PLPP4: variants seen among roughly 807,000 people sequenced by gnomAD.
The protein encoded by PLPP4 is diacylglycerol pyrophosphate like 2.
A neutral mutation model predicts 32.2 loss-of-function variants in PLPP4; 20 were observed. The observed-to-expected ratio is 0.62, with a 90% confidence interval of 0.44 to 0.90. The LOEUF (loss-of-function observed/expected upper bound fraction) is 0.90. PLPP4 is among the 40% of genes least tolerant of loss of function. The pLI, the probability that PLPP4 is intolerant of heterozygous loss-of-function variation, is 0.00. For missense variants in PLPP4, 257 were observed against 353.1 expected (o/e 0.73, Z 2.18); for synonymous variants, 127 against 133.0 (o/e 0.95, Z 0.31).
intron 6 of PLPP4, among the ~76,000 whole-genome samples, chr10:120,588,778 G>T (rs1240837391): frequency 6.6e-6 from 1 of 152,230 alleles, no homozygotes; most frequent in Admixed American, 6.5e-5. Flanking sequence ...GGGTGTGGAG[G>T]CTCATGCCTG....
At chr10:120,503,996 G>A in intron 2 of PLPP4, 70 bp downstream of exon 2, 1 of 1,102,312 alleles carries the variant, frequency 9.1e-7, no homozygotes, top group Non-Finnish European at 1.4e-6. Context: ...TTTCATCTTT[G>A]TTTTTCTAAC....
At chr10:120,547,779 G>T (rs566879300) in intron 5 of PLPP4, among the ~76,000 whole-genome samples, 1 of 152,268 alleles carries the variant, frequency 6.6e-6, no homozygotes, top group South Asian at 2.1e-4. Flanking sequence ...ATAGGCATTG[G>T]AATAGTGGGA....
At chr10:120,491,176 C>T (rs1844703212) in intron 1 of PLPP4, among the ~76,000 whole-genome samples, 1 of 152,286 alleles carries the variant, frequency 6.6e-6, no homozygotes, top group Non-Finnish European at 1.5e-5. Context: ...TGCATCTGAG[C>T]TCTGGGTTGC....
chr10:120,493,860 G>T (rs1844831968), intron 1 of PLPP4, among the ~76,000 whole-genome samples: 2 of 152,164 alleles, frequency 1.3e-5, no homozygotes. Flanking sequence ...GGAGTACACT[G>T]CACGCCATGC....
chr10:120,524,102 C>A (rs1846286375), intron 5 of PLPP4, among the ~76,000 whole-genome samples: 1 of 152,170 alleles, frequency 6.6e-6, no homozygotes, highest in African/African-American at 2.4e-5. Flanking sequence ...TAAAATGTTA[C>A]CCATTTTTAC....
In PLPP4 at chr10:120,571,204, T is replaced by C. The variant is rs141783197; in HGVS notation, c.446-3927T>C. On this transcript the variant is annotated intron_variant, in intron 5 of 6. Coordinates refer to ENST00000398250, the MANE Select transcript of PLPP4 (RefSeq NM_001030059.3). ...GGACAAGTAGACTCTGAATATCCTC[T>C]CATCCCACTGGCTCAGGAGTTTTCT... Among the ~76,000 whole-genome samples the C allele has an allele frequency of 1.5e-3, 217 of 140,326 alleles. 1 individual carries two copies. Among genetic ancestry groups the C allele is most frequent in the Admixed American group, 4.4e-3 (62 of 14,018 alleles). The allele number at this position is 140,326 out of a possible 152,430, so 92.1% of individuals were successfully genotyped here. A position where few individuals can be genotyped will look rare whatever the true frequency, so the allele number is the denominator to read the frequency against.
chr10:120,579,371 G>A (rs961798304), intron 6 of PLPP4, among the ~76,000 whole-genome samples: 13 of 151,956 alleles, frequency 8.6e-5, no homozygotes, highest in African/African-American at 2.4e-4. Context: ...AAAGCGTCTC[G>A]GTCATTCACA....
intron 1 of PLPP4, among the ~76,000 whole-genome samples, chr10:120,478,955 A>G (rs770205714): frequency 5.5e-4 from 84 of 152,350 alleles, no homozygotes; most frequent in Non-Finnish European, 8.7e-4. Context: ...GGCTGGGCGC[A>G]GTGGCTCACG....
rs1038564391 is a variant in PLPP4, at chr10:120,513,914, A to G, written c.169A>G (p.Ile57Val). 6.2e-6 allele frequency: 10 copies of G among 1,613,374 alleles called. No homozygotes were observed. Among genetic ancestry groups the G allele is most frequent in the South Asian group, 2.2e-5 (2 of 91,016 alleles). Residue 57 changes from isoleucine (I) to valine (V), a missense_variant, in exon 3 of 7, where the codon ATT becomes GTT. By Grantham distance (29) the Ile-to-Val change is conservative. Coordinates refer to ENST00000398250, the MANE Select transcript of PLPP4 (RefSeq NM_001030059.3). ...GATTGTTTGTTATTTCTTCCAGGCA[A>G]TTTCTTTCCTCACACCCCTGGCTGT... The part of the protein sequence containing the change: ...DNIPTRLMFA[I>V]SFLTPLAVIC...
intron 6 of PLPP4, among the ~76,000 whole-genome samples, chr10:120,587,009 G>A (rs1849795116): frequency 6.6e-6 from 1 of 152,162 alleles, no homozygotes; most frequent in Non-Finnish European, 1.5e-5. Context: ...AATATGACTA[G>A]AAATGATATC....
chr10:120,553,647 G>A (rs1191960982), intron 5 of PLPP4, among the ~76,000 whole-genome samples: 3 of 152,198 alleles, frequency 2.0e-5, no homozygotes, highest in Non-Finnish European at 4.4e-5. Context: ...GAGGCAGGAG[G>A]CTTCCAAGCC....
chr10:120,511,683 G>A (rs1214357440), intron 2 of PLPP4, among the ~76,000 whole-genome samples: 2 of 152,148 alleles, frequency 1.3e-5, no homozygotes, highest in African/African-American at 4.8e-5. Flanking sequence ...CCATAACATT[G>A]GACTTTAGTA....
intron 1 of PLPP4, among the ~76,000 whole-genome samples, chr10:120,488,389 A>G (rs1844559602): frequency 1.3e-5 from 2 of 152,228 alleles, no homozygotes. Flanking sequence ...ATTGCATTTA[A>G]AATAAGCCTT....
chr10:120,523,786 C>T (rs1242359838), intron 5 of PLPP4, among the ~76,000 whole-genome samples: 5 of 152,172 alleles, frequency 3.3e-5, no homozygotes, highest in African/African-American at 4.8e-5. Flanking sequence ...TACCTTAATA[C>T]GGGCTTCCAG....
chr10:120,476,357 G>A (rs976244356), intron 1 of PLPP4, among the ~76,000 whole-genome samples: 3 of 152,184 alleles, frequency 2.0e-5, no homozygotes, highest in Non-Finnish European at 4.4e-5. Context: ...TTTTTATGCT[G>A]TATGTGCAAT....
At chr10:120,559,861 G>A (rs991090880) in intron 5 of PLPP4, among the ~76,000 whole-genome samples, 3 of 152,128 alleles carry the variant, frequency 2.0e-5, no homozygotes, top group Admixed American at 6.6e-5. Flanking sequence ...TAGGTGGTAC[G>A]TGGCATCATT....
chr10:120,488,253 T>C (rs1240408975), intron 1 of PLPP4, among the ~76,000 whole-genome samples: 2 of 152,216 alleles, frequency 1.3e-5, no homozygotes, highest in African/African-American at 2.4e-5. Flanking sequence ...ATTATCTTAT[T>C]TGAAGCCTTA....
intron 1 of PLPP4, among the ~76,000 whole-genome samples, chr10:120,488,024 A>C (rs1352766233): frequency 6.6e-6 from 1 of 152,198 alleles, no homozygotes; most frequent in Non-Finnish European, 1.5e-5. Flanking sequence ...TCCAGAAGTC[A>C]GGGGCTCTCT....
chr10:120,506,446 A>G (rs780708166), intron 2 of PLPP4, among the ~76,000 whole-genome samples: 16 of 152,226 alleles, frequency 1.1e-4, no homozygotes, highest in Non-Finnish European at 2.2e-4. Context: ...GTAATAGAAC[A>G]TCCATTTTCA....
Sources: allele counts gnomAD v4.1 joint callset (sites outside exome capture counted in the v4.1 genomes callset), GRCh38; gene constraint gnomAD v4.1.1; transcripts MANE v1.5; gene names NCBI Gene and HGNC (gene_info 2026-07-23, HGNC 2026-07-21).